Variants in COA8 observed in about 807,000 individuals in gnomAD.
COA8 encodes cytochrome c oxidase assembly factor 8, also known as UPF0671 protein C14orf153.
Under a neutral mutation model 22.0 loss-of-function variants are expected in COA8, and 20 were observed. The observed-to-expected ratio is 0.91, with a 90% confidence interval of 0.64 to 1.32. The LOEUF (loss-of-function observed/expected upper bound fraction) is 1.32, where lower values mean the gene tolerates loss of function less well. Among genes scored for constraint, COA8 ranks in the 40% most tolerant of loss-of-function variants. The probability of loss-of-function intolerance (pLI) is 0.00; values close to 1 mark genes in which losing one functional copy is unlikely to be tolerated. For synonymous variants in COA8, 105 were observed against 79.9 expected (o/e 1.31, Z -1.68); for missense variants, 266 against 230.0 (o/e 1.16, Z -1.01).
chr14:103,580,857 C>T (rs1224426150), intron 3 of COA8, among the ~76,000 whole-genome samples: 10 of 147,006 alleles, frequency 6.8e-5, no homozygotes, highest in East Asian at 2.0e-4. Context: ...AGTGCAGTGG[C>T]GCAATCTCAG....
intron 3 of COA8, among the ~76,000 whole-genome samples, chr14:103,584,227 C>T (rs1326946692): frequency 2.0e-5 from 3 of 152,208 alleles, no homozygotes; most frequent in South Asian, 2.1e-4. Flanking sequence ...TTCAGTAGCC[C>T]GGATGCTCTC....
At chr14:103,576,952 A>G (rs115121838) in intron 3 of COA8, among the ~76,000 whole-genome samples, 130 of 152,360 alleles carry the variant, frequency 8.5e-4, no homozygotes, top group African/African-American at 3.1e-3. Context: ...CAGCAAAACA[A>G]CATGGGCAAT....
Position 103,584,907 on chromosome 14 carries a change from A to G in COA8, c.386-2367A>G, listed in dbSNP as rs916040034. ...GTAATCCCAGCACTCTGGGAGGCCAAGGCGGGCGGATCATGAAGTCAGGAG... is the reference window on the plus strand; with the variant it reads ...GTAATCCCAGCACTCTGGGAGGCCAGGGCGGGCGGATCATGAAGTCAGGAG... On this transcript the variant is annotated intron_variant, in intron 3 of 4. Coordinates refer to ENST00000409074, the MANE Select transcript of COA8 (RefSeq NM_001370595.2). Among the ~76,000 whole-genome samples the G allele has an allele frequency of 4.6e-5, 7 of 152,302 alleles. No homozygotes were observed. In the East Asian group the frequency reaches 1.2e-3, roughly 25 times the overall value.
intron 1 of COA8, among the ~76,000 whole-genome samples, chr14:103,564,498 C>T (rs558911942): frequency 6.6e-6 from 1 of 150,564 alleles, no homozygotes; most frequent in Non-Finnish European, 1.5e-5. Context: ...TTTTCCCTAG[C>T]TTATTTTGTG....
At chr14:103,573,918 T>G (rs1451621572) in intron 2 of COA8, among the ~76,000 whole-genome samples, 189 bp from the exon 3 acceptor site, 1 of 152,082 alleles carries the variant, frequency 6.6e-6, no homozygotes, top group Non-Finnish European at 1.5e-5. Flanking sequence ...CAAATCCTGT[T>G]TCAAGCACAA....
At chr14:103,588,233 G>T in intron 4 of COA8, 1 of 392,626 alleles carries the variant, frequency 2.5e-6, no homozygotes, top group South Asian at 1.3e-4. Flanking sequence ...AATATTTGTA[G>T]GCTGGATACG....
Position 103,571,701 on chromosome 14 carries a change from G to C in COA8, c.202G>C (p.Val68Leu), listed in dbSNP as rs777536704. ...AGATAAATATTCAAACCTTCGACCT[G>C]TTCACTTTTACATACCTGAAAATGA... is the stretch of plus-strand genomic sequence containing the variant. ...PPDKYSNLRP[V>L]HFYIPENESP... is the part of the protein sequence containing the mutation. Residue 68 changes from valine to leucine, a missense_variant, in exon 2 of 5, where the codon GTT (valine) becomes CTT (leucine). Physicochemically the swap from Val to Leu is conservative, Grantham distance 32. Transcript: ENST00000409074. 5.6e-6 allele frequency: 9 copies of C among 1,614,004 alleles called. No individual in the cohort carries two copies. Among genetic ancestry groups the C allele is most frequent in the Admixed American group, 1.7e-5 (1 of 59,986 alleles).
intron 1 of COA8, among the ~76,000 whole-genome samples, chr14:103,569,564 G>A (rs1335466572): frequency 6.6e-6 from 1 of 152,194 alleles, no homozygotes; most frequent in Admixed American, 6.5e-5. Context: ...AGAAAAGAGC[G>A]GGTGCAGCCC....
At chr14:103,577,715 C>A (rs904335215) in intron 3 of COA8, among the ~76,000 whole-genome samples, 1 of 150,694 alleles carries the variant, frequency 6.6e-6, no homozygotes. Context: ...CCTTTGTCTA[C>A]AAAAAATTTA....
intron 1 of COA8, 158 bp downstream of exon 1, chr14:103,563,282 C>G (rs1172225351): frequency 5.1e-6 from 5 of 986,104 alleles, no homozygotes; most frequent in East Asian, 2.6e-5. Context: ...CCGAGGCTCC[C>G]GCATCAACGC....
At position 103,574,103 on chromosome 14, in the gene COA8, T is replaced by TTTA. The variant is rs2076211312; in HGVS notation, c.322-4_322-3insTTA. 4 of 1,484,226 alleles carry TTTA rather than the reference T, an allele frequency of 2.7e-6. No individual in the cohort carries two copies. The highest frequency in any genetic ancestry group is 2.7e-6 in the Non-Finnish European group (3 of 1,115,544). 91.9% of individuals were successfully genotyped at this position (1,484,226 alleles called of 1,614,324 possible). A position where few individuals can be genotyped will look rare whatever the true frequency, so the allele number is the denominator to read the frequency against. ...CTTTTTTTTTTTTTTTTTTTTTTTTTAAGGAAAAAGAAGAATTTATTCACT... is the reference window on the plus strand; with the variant it reads ...CTTTTTTTTTTTTTTTTTTTTTTTTTTTAAAGGAAAAAGAAGAATTTATTCACT... On this transcript the variant is annotated splice_region_variant and splice_polypyrimidine_tract_variant and intron_variant, in intron 2 of 4. Transcript: ENST00000409074.
intron 1 of COA8, among the ~76,000 whole-genome samples, chr14:103,568,787 G>T (rs1353150532): frequency 6.6e-6 from 1 of 151,838 alleles, no homozygotes; most frequent in Non-Finnish European, 1.5e-5. Context: ...ACACCACCAC[G>T]CCCAGCTTAT....
intron 3 of COA8, chr14:103,579,356 AT>A: frequency 4.5e-6 from 1 of 222,972 alleles, no homozygotes; most frequent in Non-Finnish European, 9.2e-6. Flanking sequence ...AAAAAATACA[AT>A]TTTTTCTTTT....
intron 3 of COA8, among the ~76,000 whole-genome samples, chr14:103,580,326 C>A (rs752908404): frequency 6.6e-6 from 1 of 150,938 alleles, no homozygotes; most frequent in African/African-American, 2.4e-5. Flanking sequence ...ATTTATTTTT[C>A]GAGATGGAGT....
At chr14:103,588,243 G>A (rs1034716760) in intron 4 of COA8, 23 of 394,974 alleles carry the variant, frequency 5.8e-5, no homozygotes, top group Non-Finnish European at 8.0e-5. Flanking sequence ...GGCTGGATAC[G>A]GTGGCTCGCA....
chr14:103,572,021 G>A (rs2076191801), intron 2 of COA8, among the ~76,000 whole-genome samples: 1 of 152,040 alleles, frequency 6.6e-6, no homozygotes, highest in African/African-American at 2.4e-5. Context: ...CAGCTACTCG[G>A]GAGGCTGAGG....
intron 3 of COA8, among the ~76,000 whole-genome samples, chr14:103,575,599 C>T (rs1181437877): frequency 2.0e-5 from 3 of 152,152 alleles, no homozygotes; most frequent in African/African-American, 7.2e-5. Context: ...TTGTTGAATA[C>T]GTGATATTGG....
chr14:103,567,012 A>G (rs2076139766), intron 1 of COA8, among the ~76,000 whole-genome samples: 1 of 152,150 alleles, frequency 6.6e-6, no homozygotes, highest in Admixed American at 6.5e-5. Context: ...GGCTCAAGTA[A>G]TCTTCCTGCC....
intron 1 of COA8, among the ~76,000 whole-genome samples, chr14:103,568,368 A>G (rs1416275623): frequency 6.6e-6 from 1 of 152,140 alleles, no homozygotes; most frequent in Non-Finnish European, 1.5e-5. Flanking sequence ...CAGAGCCAGC[A>G]TGGAGAAGCC....
Sources: allele counts gnomAD v4.1 joint callset (sites outside exome capture counted in the v4.1 genomes callset), GRCh38; gene constraint gnomAD v4.1.1; transcripts MANE v1.5; gene names NCBI Gene and HGNC (gene_info 2026-07-23, HGNC 2026-07-21).